PDZD2: variants seen among roughly 807,000 people sequenced by gnomAD.
PDZD2 encodes PDZ domain containing 2.
PDZD2 carries 90 observed loss-of-function variants against 220.7 expected under a neutral mutation model. The ratio of observed to expected loss-of-function variants is 0.41; its 90% CI spans 0.34 to 0.49. The LOEUF is 0.49. PDZD2 is among the 20% of genes least tolerant of loss of function. The probability of loss-of-function intolerance (pLI) is 0.28; values close to 1 mark genes in which losing one functional copy is unlikely to be tolerated. For synonymous variants in PDZD2, 1,375 were observed against 1,450.5 expected, an observed-to-expected ratio of 0.95 and a Z score of 1.18; for missense variants, 3,174 against 3,608.5, an observed-to-expected ratio of 0.88 and a Z score of 3.08.
chr5:32,053,916 G>A, intron 10 of PDZD2, 33 bp downstream of exon 10: 1 of 1,201,784 alleles, frequency 8.3e-7, no homozygotes, highest in East Asian at 2.3e-5. Flanking sequence ...CTCAGTGACA[G>A]TGACTTTGAT....
chr5:31,811,945 G>A (rs945847647), intron 2 of PDZD2, among the ~76,000 whole-genome samples: 8 of 151,878 alleles, frequency 5.3e-5, no homozygotes, highest in Admixed American at 2.0e-4. Context: ...AGCTGAGATC[G>A]TGCCACTGCA....
At chr5:31,819,656 C>CAAAAAA (rs3032832) in intron 2 of PDZD2, among the ~76,000 whole-genome samples, 17 of 110,372 alleles carry the variant, frequency 1.5e-4, no homozygotes, top group Admixed American at 4.2e-4. Flanking sequence ...GACTCTGTCT[C>CAAAAAA]AAAAAAAAAA....
chr5:31,641,213 G>C (rs563610579), intron 1 of PDZD2, among the ~76,000 whole-genome samples: 133 of 152,336 alleles, frequency 8.7e-4, no homozygotes, highest in Non-Finnish European at 1.7e-3. Context: ...CAGGAGAAGG[G>C]AGAGAAGCCT....
At chr5:32,023,945 T>C (rs965873401) in intron 6 of PDZD2, among the ~76,000 whole-genome samples, 2 of 152,226 alleles carry the variant, frequency 1.3e-5, no homozygotes, top group Non-Finnish European at 2.9e-5. Flanking sequence ...CTGTCCCGCC[T>C]GGGACGTGAA....
At chr5:31,918,434 A>G (rs1207449233) in intron 2 of PDZD2, among the ~76,000 whole-genome samples, 1 of 152,200 alleles carries the variant, frequency 6.6e-6, no homozygotes, top group Non-Finnish European at 1.5e-5. Context: ...AGAAAGAACC[A>G]TCTGGAAATC....
chr5:31,701,919 C>T (rs954648104), intron 1 of PDZD2, among the ~76,000 whole-genome samples: 1 of 152,342 alleles, frequency 6.6e-6, no homozygotes, highest in African/African-American at 2.4e-5. Context: ...GGTTCCCTCC[C>T]TGCTTTCCCC....
chr5:31,779,835 C>T (rs184016434), intron 1 of PDZD2, among the ~76,000 whole-genome samples: 7 of 152,166 alleles, frequency 4.6e-5, no homozygotes, highest in African/African-American at 1.7e-4. Flanking sequence ...GGCAGCTTCA[C>T]GTGTTCGTTT....
chr5:32,060,427 T>G (rs1739557255), intron 13 of PDZD2, among the ~76,000 whole-genome samples: 2 of 152,226 alleles, frequency 1.3e-5, no homozygotes, highest in Admixed American at 1.3e-4. Context: ...TTGTTCAAAT[T>G]TGAAACGTTT....
At chr5:31,919,530 A>G (rs931802721) in intron 2 of PDZD2, among the ~76,000 whole-genome samples, 1 of 152,014 alleles carries the variant, frequency 6.6e-6, no homozygotes, top group Admixed American at 6.6e-5. Context: ...TATTTTTGGT[A>G]GAGACAGGGT....
At chr5:32,014,670 A>G (rs1753598839) in intron 6 of PDZD2, among the ~76,000 whole-genome samples, 1 of 147,440 alleles carries the variant, frequency 6.8e-6, no homozygotes, top group African/African-American at 2.6e-5. Flanking sequence ...TTCTTCTCCG[A>G]ATCTCTCTTC....
At chr5:31,717,523 AC>A (rs146274068) in intron 1 of PDZD2, among the ~76,000 whole-genome samples, 9,153 of 152,102 alleles carry the variant, frequency 0.06, 416 homozygotes, top group South Asian at 0.15. Context: ...TGACCTTAGC[AC>A]CTCGCTTGTC....
At chr5:31,670,320 A>G (rs2150117545) in intron 1 of PDZD2, among the ~76,000 whole-genome samples, 1 of 152,330 alleles carries the variant, frequency 6.6e-6, no homozygotes. Flanking sequence ...TTTGACTTCC[A>G]CAAATACTTT....
intron 1 of PDZD2, among the ~76,000 whole-genome samples, chr5:31,680,258 T>C (rs1746600006): frequency 6.6e-6 from 1 of 152,174 alleles, no homozygotes; most frequent in Admixed American, 6.5e-5. Flanking sequence ...ACAAGTCTGA[T>C]GGTGACTCTA....
rs1471749933 is a variant in PDZD2, at chr5:32,074,597, T to A, written c.3491T>A (p.Val1164Asp). ...GACTCGAGAGTCCAGGCCACTTCTG[T>A]CAAAGTGACTGTCGCTGGCTTTCAG... ...DLDSRVQATSVKVTVAGFQPG... is the reference protein window; with the variant it reads ...DLDSRVQATSDKVTVAGFQPG... Residue 1164 changes from valine (V) to aspartate (D), a missense_variant, in exon 18 of 25, where the codon GTC becomes GAC. Physicochemically the swap from Val to Asp is radical, Grantham distance 152. Transcript: ENST00000438447. 1.9e-6 allele frequency: 3 copies of A among 1,612,208 alleles called. No individual in the cohort carries two copies. Among genetic ancestry groups the A allele is most frequent in the African/African-American group, 2.7e-5 (2 of 74,996 alleles).
chr5:31,898,808 C>CTTT (rs35589628), intron 2 of PDZD2, among the ~76,000 whole-genome samples: 12 of 123,464 alleles, frequency 9.7e-5, no homozygotes, highest in African/African-American at 1.2e-4. Flanking sequence ...AGCCTCTCTT[C>CTTT]TTTTTTTTTT....
At position 32,034,171 on chromosome 5, in the gene PDZD2, A is replaced by C. The variant is rs1361657182; in HGVS notation, c.1408-3060A>C. Among the ~76,000 whole-genome samples, 4 of 152,092 alleles carry C rather than the reference A, an allele frequency of 2.6e-5. No homozygotes were observed. In the East Asian group the frequency reaches 5.8e-4, roughly 22 times the overall value. On this transcript the variant is annotated intron_variant, in intron 6 of 24. Coordinates refer to ENST00000438447, the MANE Select transcript of PDZD2 (RefSeq NM_178140.4). Reference sequence around the variant, plus strand: ...CTAAGTCCAGAAACAATAGGCTGGCATGGTTTTCCTTGCTCGGCATGAGCA... The same window carrying C: ...CTAAGTCCAGAAACAATAGGCTGGCCTGGTTTTCCTTGCTCGGCATGAGCA...
At chr5:32,003,169 A>G (rs373842660) in intron 5 of PDZD2, among the ~76,000 whole-genome samples, 3 of 93,542 alleles carry the variant, frequency 3.2e-5, no homozygotes, top group East Asian at 4.6e-4. Context: ...CACACACACC[A>G]CACACCATAC....
chr5:31,766,497 C>T (rs1004303603), intron 1 of PDZD2, among the ~76,000 whole-genome samples: 2 of 152,052 alleles, frequency 1.3e-5, no homozygotes, highest in African/African-American at 2.4e-5. Flanking sequence ...ATCCTCCCAC[C>T]TCAGCCCCAT....
At chr5:31,752,597 C>CA (rs902434349) in intron 1 of PDZD2, among the ~76,000 whole-genome samples, 1 of 151,578 alleles carries the variant, frequency 6.6e-6, no homozygotes, top group African/African-American at 2.4e-5. Flanking sequence ...TTTTCCCCCC[C>CA]AGAGATGGAG....
Sources: gnomAD v4.1 joint callset for allele counts (sites outside exome capture counted in the v4.1 genomes callset) on GRCh38, gnomAD v4.1.1 for gene constraint, MANE v1.5 for transcripts, NCBI Gene and HGNC (gene_info 2026-07-23, HGNC 2026-07-21) for gene names.